UBIAD1: variants seen among roughly 807,000 people sequenced by gnomAD.
UBIAD1 encodes UbiA prenyltransferase domain containing 1, also known as ubiA prenyltransferase domain-containing protein 1.
A neutral mutation model predicts 20.1 loss-of-function variants in UBIAD1; 12 were observed. The observed-to-expected ratio is 0.60, with a 90% CI of 0.38 to 0.97. UBIAD1 has a LOEUF of 0.97. Among genes scored for constraint, UBIAD1 ranks in the 50% least tolerant of loss-of-function variants. The probability of loss-of-function intolerance (pLI) is 0.00; values close to 1 mark genes in which losing one functional copy is unlikely to be tolerated. For missense variants in UBIAD1, 333 were observed against 419.5 expected, an observed-to-expected ratio of 0.79 and a Z score of 1.80; for synonymous variants, 207 against 189.2, an observed-to-expected ratio of 1.09 and a Z score of -0.77.
downstream of UBIAD1, among the ~76,000 whole-genome samples, chr1:11,288,922 A>C (rs1557521530): frequency 6.6e-6 from 1 of 151,924 alleles, no homozygotes; most frequent in East Asian, 1.9e-4. Flanking sequence ...AAAAAAAAAA[A>C]CAAAACAAAA....
chr1:11,273,994 C>T lies in UBIAD1; in HGVS notation c.463C>T (p.Leu155=), dbSNP rs1391520599. The change falls in exon 1 of 2, where the codon CTG becomes TTG. Residue 155 remains leucine (L), a synonymous_variant. Coordinates refer to ENST00000376810, the MANE Select transcript of UBIAD1 (RefSeq NM_013319.3). The surrounding 1 kb of genome is among the most constrained non-coding windows in gnomAD (Gnocchi z 4.9). The part of the protein sequence containing the change: ...CAACLYYLSP[L]KLEHLALIYF... Reference sequence around the variant, plus strand: ...CGCTTGCCTCTACTACCTGTCCCCTCTGAAACTGGAGCACTTGGCTCTTAT... The same window carrying T: ...CGCTTGCCTCTACTACCTGTCCCCTTTGAAACTGGAGCACTTGGCTCTTAT... 1 of 1,614,092 alleles carries T rather than the reference C, an allele frequency of 6.2e-7. No individual in the cohort carries two copies. Among genetic ancestry groups the T allele is most frequent in the Admixed American group, 1.7e-5 (1 of 59,996 alleles).
intron 1 of UBIAD1, among the ~76,000 whole-genome samples, chr1:11,283,652 G>A (rs1217808143): frequency 1.3e-5 from 2 of 152,118 alleles, no homozygotes; most frequent in African/African-American, 2.4e-5. Flanking sequence ...AGAACTAAGG[G>A]TGTGTATTTA....
chr1:11,292,644 TC>T (rs1638384296), downstream of UBIAD1, among the ~76,000 whole-genome samples: 1 of 150,744 alleles, frequency 6.6e-6, no homozygotes, highest in African/African-American at 2.4e-5. Context: ...TGATTGATAT[TC>T]TTTTTTTAAA....
In UBIAD1 at chr1:11,285,571, C is replaced by T; in HGVS notation, c.530-73C>T. The T allele has an allele frequency of 6.2e-7, 1 of 1,609,768 alleles. No individual in the cohort carries two copies. Among genetic ancestry groups the T allele is most frequent in the Non-Finnish European group, 8.5e-7 (1 of 1,179,130 alleles). ...CCATTTTCAGCCGGAAGTGGCCTGC[C>T]TCTTCACTGGTGAACAGTCCCTAAA... On this transcript the variant is annotated intron_variant, in intron 1 of 1. Coordinates refer to ENST00000376810, the MANE Select transcript of UBIAD1 (RefSeq NM_013319.3). This position sits in a 1 kb window ranked among gnomAD's most constrained non-coding sequence, Gnocchi z 4.4.
chr1:11,273,211 C>A lies in UBIAD1; in HGVS notation c.-321C>A, dbSNP rs1651834966. 1 of 325,276 alleles carries A rather than the reference C, an allele frequency of 3.1e-6. No individual in the cohort carries two copies. Among genetic ancestry groups the A allele is most frequent in the Non-Finnish European group, 5.8e-6 (1 of 171,192 alleles). The allele number at this position is 325,276 out of a possible 1,614,324, so 20.1% of individuals were successfully genotyped here. A position where few individuals can be genotyped will look rare whatever the true frequency, so the allele number is the denominator to read the frequency against. ...CCGCCGGCACCTGTTTCCGGGCGGG[C>A]CTCCAGAGGCCGGCGCACAAGATGG... On this transcript the variant is annotated 5_prime_UTR_variant, in exon 1 of 2. Coordinates refer to ENST00000376810, the MANE Select transcript of UBIAD1 (RefSeq NM_013319.3). This position sits in a 1 kb window ranked among gnomAD's most constrained non-coding sequence, Gnocchi z 4.9.
At chr1:11,296,393 T>A (rs968220226), downstream of UBIAD1, among the ~76,000 whole-genome samples, 1 of 152,144 alleles carries the variant, frequency 6.6e-6, no homozygotes, top group African/African-American at 2.4e-5. Context: ...TTCCGGTGCC[T>A]CCTCTGCAAA....
intron 1 of UBIAD1, among the ~76,000 whole-genome samples, chr1:11,278,255 G>A (rs981689683): frequency 1.3e-5 from 2 of 152,158 alleles, no homozygotes; most frequent in Admixed American, 1.3e-4. Flanking sequence ...ACTGTGCCCA[G>A]CCCTGTTTTC....
intron 1 of UBIAD1, among the ~76,000 whole-genome samples, chr1:11,275,016 A>G (rs1452382946): frequency 2.0e-5 from 3 of 152,180 alleles, no homozygotes; most frequent in Non-Finnish European, 4.4e-5. Flanking sequence ...TGATATAGAT[A>G]ATTACTTCTA....
intron 1 of UBIAD1, among the ~76,000 whole-genome samples, chr1:11,275,739 C>T (rs1001901835): frequency 3.3e-5 from 5 of 151,950 alleles, no homozygotes; most frequent in Admixed American, 6.6e-5. Flanking sequence ...TGAGACCATG[C>T]CTCAGAAAGG....
chr1:11,290,216 A>C (rs1322660831), downstream of UBIAD1, among the ~76,000 whole-genome samples: 1 of 152,198 alleles, frequency 6.6e-6, no homozygotes, highest in African/African-American at 2.4e-5. Flanking sequence ...CAGGTGGCTG[A>C]AAATTCAATG....
intron 1 of UBIAD1, among the ~76,000 whole-genome samples, chr1:11,274,843 C>T (rs181900685): frequency 6.6e-6 from 1 of 152,282 alleles, no homozygotes; most frequent in Non-Finnish European, 1.5e-5. Flanking sequence ...CTCCTGACCT[C>T]ATGACCTGCC....
At chr1:11,278,515 A>G in intron 1 of UBIAD1, 1 of 602,320 alleles carries the variant, frequency 1.7e-6, no homozygotes, top group Non-Finnish European at 2.5e-6. Context: ...GAGTTCTTTT[A>G]TTTAACGTGT....
chr1:11,297,565 C>A (rs1338577675), downstream of UBIAD1, among the ~76,000 whole-genome samples: 2 of 152,196 alleles, frequency 1.3e-5, no homozygotes, highest in African/African-American at 4.8e-5. Context: ...ATGCAGAAAC[C>A]AAAGGATGAC....
intron 1 of UBIAD1, among the ~76,000 whole-genome samples, chr1:11,283,181 G>C (rs911647501): frequency 6.6e-6 from 1 of 152,146 alleles, no homozygotes; most frequent in Non-Finnish European, 1.5e-5. Context: ...GCTTTTTGCC[G>C]AGTGATCTAA....
intron 1 of UBIAD1, among the ~76,000 whole-genome samples, chr1:11,275,672 G>T (rs1651997071): frequency 1.3e-5 from 2 of 152,062 alleles, no homozygotes; most frequent in Non-Finnish European, 2.9e-5. Flanking sequence ...TGAGCCCAGG[G>T]GTCAAGGCTG....
intron 1 of UBIAD1, among the ~76,000 whole-genome samples, chr1:11,282,954 G>A (rs898822555): frequency 2.1e-5 from 3 of 143,294 alleles, no homozygotes; most frequent in Admixed American, 7.1e-5. Flanking sequence ...TCTGCCTCCA[G>A]GGTTCAAGCG....
downstream of UBIAD1, among the ~76,000 whole-genome samples, chr1:11,288,801 A>G (rs1638314629): frequency 6.6e-6 from 1 of 152,092 alleles, no homozygotes; most frequent in South Asian, 2.1e-4. Flanking sequence ...AGTCTCAGCT[A>G]CTCAGGAGGC....
intron 1 of UBIAD1, among the ~76,000 whole-genome samples, chr1:11,284,350 G>A (rs1405594463): frequency 6.6e-6 from 1 of 152,122 alleles, no homozygotes; most frequent in Non-Finnish European, 1.5e-5. Flanking sequence ...GGAGAGGTAG[G>A]GCTGGGCCAC....
chr1:11,287,542 G>A lies in UBIAD1; in HGVS notation c.*1411G>A, dbSNP rs955016071. On this transcript the variant is annotated 3_prime_UTR_variant, in exon 2 of 2. Transcript: ENST00000376810. ...TCATGGCCTGCAGAAAATGATGTAA[G>A]AACTAGTTCTTAATCTTTCAGATCA... 1 of 152,212 alleles carries A rather than the reference G, an allele frequency of 6.6e-6. No individual in the cohort carries two copies. The highest frequency in any genetic ancestry group is 1.5e-5 in the Non-Finnish European group (1 of 68,048). 9.4% of individuals were successfully genotyped at this position (152,212 alleles called of 1,614,324 possible).
Sources: gnomAD v4.1 joint callset for allele counts (sites outside exome capture counted in the v4.1 genomes callset) on GRCh38, gnomAD v4.1.1 for gene constraint, Gnocchi (gnomAD v3.1) non-coding constraint, MANE v1.5 for transcripts, NCBI Gene and HGNC (gene_info 2026-07-23, HGNC 2026-07-21) for gene names.